Variants in CCSER1 observed in about 807,000 individuals in gnomAD.
CCSER1 encodes the protein serine-rich coiled-coil domain-containing protein 1.
CCSER1 carries 41 observed loss-of-function variants against 82.0 expected under a neutral mutation model. The ratio of observed to expected loss-of-function variants is 0.50; its 90% CI spans 0.39 to 0.65. The LOEUF is 0.65. Among genes scored for constraint, CCSER1 ranks in the 30% least tolerant of loss-of-function variants. CCSER1 has a pLI of 0.00. For missense variants in CCSER1, 1,119 were observed against 1,064.2 expected, an observed-to-expected ratio of 1.05 and a Z score of -0.72; for synonymous variants, 414 against 383.9, an observed-to-expected ratio of 1.08 and a Z score of -0.92.
intron 10 of CCSER1, among the ~76,000 whole-genome samples, chr4:91,489,506 C>T (rs991279638): frequency 4.6e-5 from 7 of 152,100 alleles, no homozygotes; most frequent in Non-Finnish European, 8.8e-5. Flanking sequence ...CCCTTCACTG[C>T]AAGATTAAGC....
At chr4:91,176,204 A>T (rs1733330618) in intron 10 of CCSER1, among the ~76,000 whole-genome samples, 1 of 11,232 alleles carries the variant, frequency 8.9e-5, no homozygotes, top group Non-Finnish European at 1.4e-4. Flanking sequence ...TGGTACCAGT[A>T]CCTGCTGTTT....
intron 1 of CCSER1, among the ~76,000 whole-genome samples, chr4:90,263,417 A>T (rs1453324068): frequency 6.6e-6 from 1 of 152,172 alleles, no homozygotes; most frequent in African/African-American, 2.4e-5. Context: ...CAGGGGAGTG[A>T]TGTAGACCCT....
At chr4:90,479,516 T>C (rs919433057) in intron 5 of CCSER1, among the ~76,000 whole-genome samples, 1 of 152,102 alleles carries the variant, frequency 6.6e-6, no homozygotes, top group Non-Finnish European at 1.5e-5. Context: ...CCTAATGCTA[T>C]CCCTCCCCGC....
chr4:90,401,238 C>G (rs1381054567), intron 4 of CCSER1, among the ~76,000 whole-genome samples: 1 of 152,130 alleles, frequency 6.6e-6, no homozygotes, highest in Non-Finnish European at 1.5e-5. Context: ...GTTGATTTGA[C>G]AGATATCCTT....
chr4:91,305,907 C>G (rs538156049), intron 10 of CCSER1, among the ~76,000 whole-genome samples: 3 of 151,696 alleles, frequency 2.0e-5, no homozygotes, highest in South Asian at 4.2e-4. Context: ...TGAGACCCCC[C>G]CTCACTATCA....
rs1042162157 is a variant in CCSER1, at chr4:90,994,795, A to C, written c.2172+71348A>C. Among the ~76,000 whole-genome samples the C allele has an allele frequency of 2.6e-5, 4 of 152,242 alleles. No homozygotes were observed. The East Asian group carries it at 5.8e-4, about 22-fold the overall frequency. ...TTTAGTGTGTTGTTTCTTTTTTGGA[A>C]AAGCCTATTTCTTTGCTGATTCATT... On this transcript the variant is annotated intron_variant, in intron 9 of 10. Transcript: ENST00000509176.
intron 7 of CCSER1, among the ~76,000 whole-genome samples, chr4:90,771,650 A>C (rs1752192550): frequency 6.6e-6 from 1 of 151,734 alleles, no homozygotes; most frequent in South Asian, 2.1e-4. Flanking sequence ...ACTTTAAAAT[A>C]TTTTATATTG....
At chr4:90,607,806 A>C (rs1274774577) in intron 5 of CCSER1, among the ~76,000 whole-genome samples, 1 of 152,136 alleles carries the variant, frequency 6.6e-6, no homozygotes, top group East Asian at 1.9e-4. Flanking sequence ...GATACTTATA[A>C]CTACCTTCTT....
chr4:91,564,468 A>G (rs1762793327), intron 10 of CCSER1, among the ~76,000 whole-genome samples: 1 of 152,054 alleles, frequency 6.6e-6, no homozygotes, highest in Non-Finnish European at 1.5e-5. Context: ...AGGAATTACC[A>G]TACTGCTTTC....
chr4:91,401,700 T>C (rs934824296), intron 10 of CCSER1, among the ~76,000 whole-genome samples: 2 of 152,166 alleles, frequency 1.3e-5, no homozygotes, highest in Admixed American at 1.3e-4. Flanking sequence ...GTTTCCAGCT[T>C]CATCCATATC....
chr4:90,996,325 T>C (rs1737492014), intron 9 of CCSER1, among the ~76,000 whole-genome samples: 2 of 152,110 alleles, frequency 1.3e-5, no homozygotes, highest in South Asian at 4.1e-4. Flanking sequence ...GACCATTTTA[T>C]GGTATCTTAA....
At chr4:90,486,436 A>T (rs1247138202) in intron 5 of CCSER1, among the ~76,000 whole-genome samples, 2 of 152,190 alleles carry the variant, frequency 1.3e-5, no homozygotes, top group African/African-American at 4.8e-5. Context: ...TAGTCACTTC[A>T]AAGTTGCTAC....
chr4:91,230,732 A>G (rs1738563433), intron 10 of CCSER1, among the ~76,000 whole-genome samples: 1 of 151,950 alleles, frequency 6.6e-6, no homozygotes, highest in Admixed American at 6.6e-5. Context: ...ATTTAAGATC[A>G]AATTTCGAAT....
intron 10 of CCSER1, among the ~76,000 whole-genome samples, chr4:91,296,376 C>T (rs1744162803): frequency 6.7e-6 from 1 of 148,800 alleles, no homozygotes; most frequent in South Asian, 2.1e-4. Flanking sequence ...ATTTTTCCCT[C>T]CTAGAGACTT....
chr4:90,402,881 C>T (rs908354071), intron 4 of CCSER1, among the ~76,000 whole-genome samples: 5 of 152,138 alleles, frequency 3.3e-5, no homozygotes, highest in Non-Finnish European at 7.4e-5. Flanking sequence ...CTTGAGTCTA[C>T]TTTAAGGTGT....
At chr4:91,160,426 G>C (rs1731269428) in intron 10 of CCSER1, among the ~76,000 whole-genome samples, 1 of 152,198 alleles carries the variant, frequency 6.6e-6, no homozygotes, top group Non-Finnish European at 1.5e-5. Flanking sequence ...TGACATGGCT[G>C]GGTCAAATGG....
intron 8 of CCSER1, among the ~76,000 whole-genome samples, chr4:90,871,679 A>G (rs867284432): frequency 6.6e-6 from 1 of 151,816 alleles, no homozygotes; most frequent in Non-Finnish European, 1.5e-5. Flanking sequence ...TATTAGGCCC[A>G]TTTGGTCTAT....
chr4:90,322,175 G>A (rs7654964), intron 3 of CCSER1, among the ~76,000 whole-genome samples: 38,349 of 151,974 alleles, frequency 0.25, 5,065 homozygotes, highest in African/African-American at 0.32. Context: ...AGAGATAGGC[G>A]TGTAGGTTCA....
intron 10 of CCSER1, among the ~76,000 whole-genome samples, chr4:91,323,297 C>G (rs1746318030): frequency 6.6e-6 from 1 of 152,084 alleles, no homozygotes; most frequent in Admixed American, 6.6e-5. Flanking sequence ...GTGTGCAACA[C>G]CCAGAAAGCT....
Sources: gnomAD v4.1 joint callset for allele counts (sites outside exome capture counted in the v4.1 genomes callset) on GRCh38, gnomAD v4.1.1 for gene constraint, MANE v1.5 for transcripts, NCBI Gene and HGNC (gene_info 2026-07-23, HGNC 2026-07-21) for gene names.